RAB40B: variants seen among roughly 807,000 people sequenced by gnomAD.
The protein encoded by RAB40B is ras-related protein Rab-40B.
A neutral mutation model predicts 24.0 loss-of-function variants in RAB40B; 21 were observed. The ratio of observed to expected loss-of-function variants is 0.88; its 90% CI spans 0.62 to 1.26. RAB40B has a LOEUF of 1.26. Among genes scored for constraint, RAB40B ranks in the 50% most tolerant of loss-of-function variants. The pLI is 0.00. For missense variants in RAB40B, 348 were observed against 390.5 expected, an observed-to-expected ratio of 0.89 and a Z score of 0.92; for synonymous variants, 167 against 169.8, an observed-to-expected ratio of 0.98 and a Z score of 0.13.
intron 1 of RAB40B, among the ~76,000 whole-genome samples, chr17:82,680,264 G>A (rs1392095171): frequency 6.6e-6 from 1 of 152,182 alleles, no homozygotes; most frequent in Non-Finnish European, 1.5e-5. Context: ...TACACCCAGG[G>A]GAGTGGCCAT....
chr17:82,697,798 G>A lies in RAB40B; in HGVS notation c.142+657C>T, dbSNP rs997042384. 6.6e-6 allele frequency among the ~76,000 whole-genome samples: 1 copy of A among 152,182 alleles called. No homozygotes were observed. The highest frequency in any genetic ancestry group is 1.5e-5 in the Non-Finnish European group (1 of 68,022). Reference sequence around the variant, plus strand: ...CCTGCCTGGGAGCTCTGGGCGCTCCGGCCTCCCCTCGCCCTGGAACCCGCT... The same window carrying A: ...CCTGCCTGGGAGCTCTGGGCGCTCCAGCCTCCCCTCGCCCTGGAACCCGCT... On this transcript the variant is annotated intron_variant, in intron 1 of 5. Coordinates refer to ENST00000571995, the MANE Select transcript of RAB40B (RefSeq NM_006822.3). The surrounding 1 kb of genome is among the most constrained non-coding windows in gnomAD (Gnocchi z 4.9).
Position 82,657,725 on chromosome 17 carries a change from T to C in RAB40B, c.*138A>G. On this transcript the variant is annotated 3_prime_UTR_variant, in exon 6 of 6. Transcript: ENST00000571995. ...AGTCCGACGGGGTAGTGTGTTTCCA[T>C]CACACGGAAGGCGTCGCACACATTC... 2.9e-6 allele frequency: 3 copies of C among 1,042,302 alleles called. No individual in the cohort carries two copies. The highest frequency in any genetic ancestry group is 4.5e-6 in the Non-Finnish European group (3 of 664,512). 64.6% of individuals were successfully genotyped at this position (1,042,302 alleles called of 1,614,324 possible). A position where few individuals can be genotyped will look rare whatever the true frequency, so the allele number is the denominator to read the frequency against.
At chr17:82,691,543 C>T (rs986666906) in intron 1 of RAB40B, among the ~76,000 whole-genome samples, 18 of 151,958 alleles carry the variant, frequency 1.2e-4, no homozygotes, top group Admixed American at 1.3e-4. Flanking sequence ...AAAAATTAGC[C>T]GGGCATGGTA....
At chr17:82,659,496 C>G in intron 4 of RAB40B, 84 bp downstream of exon 4, 1 of 1,385,930 alleles carries the variant, frequency 7.2e-7, no homozygotes, top group African/African-American at 1.4e-5. Flanking sequence ...TACCCATGAG[C>G]CCTGGAGGGC....
intron 1 of RAB40B, among the ~76,000 whole-genome samples, chr17:82,668,686 G>A (rs1332820476): frequency 6.6e-6 from 1 of 152,232 alleles, no homozygotes; most frequent in Non-Finnish European, 1.5e-5. Context: ...GAGAGGCCAG[G>A]CATTTGGAGC....
Position 82,682,896 on chromosome 17 carries a change from G to T in RAB40B, c.142+15559C>A, listed in dbSNP as rs2046460213. On this transcript the variant is annotated intron_variant, in intron 1 of 5. Coordinates refer to ENST00000571995, the MANE Select transcript of RAB40B (RefSeq NM_006822.3). ...ACGGTGACTCATGCCTGCAATCCCA[G>T]CACTTTGGGAGACCGAGGCAGGCAG... 2.6e-5 allele frequency among the ~76,000 whole-genome samples: 4 copies of T among 152,326 alleles called. No homozygotes were observed. In the South Asian group the frequency reaches 8.3e-4, roughly 32 times the overall value.
At position 82,657,799 on chromosome 17, in the gene RAB40B, G is replaced by T; in HGVS notation, c.*64C>A. 6.3e-7 allele frequency: 1 copy of T among 1,578,234 alleles called. No homozygotes were observed. Among genetic ancestry groups the T allele is most frequent in the Non-Finnish European group, 8.7e-7 (1 of 1,147,920 alleles). On this transcript the variant is annotated 3_prime_UTR_variant, in exon 6 of 6. Coordinates refer to ENST00000571995, the MANE Select transcript of RAB40B (RefSeq NM_006822.3). ...ACCGGGATCTGAGATGCATCCACCAGCTGCCGGGGGTAACGCCGAGCTTCT... is the reference window on the plus strand; with the variant it reads ...ACCGGGATCTGAGATGCATCCACCATCTGCCGGGGGTAACGCCGAGCTTCT...
Position 82,698,539 on chromosome 17 carries a change from C to A in RAB40B, c.58G>T (p.Val20Leu), listed in dbSNP as rs1310337093. The change falls in exon 1 of 6, where the codon GTG (valine) becomes TTG (leucine). Residue 20 changes from valine to leucine, a missense_variant. Physicochemically the swap from Val to Leu is conservative, Grantham distance 32. Transcript: ENST00000571995. ...AYDFLLKFLLVGDSDVGKGEI... is the reference protein window; with the variant it reads ...AYDFLLKFLLLGDSDVGKGEI... ...CCCTTGCCCACGTCGCTGTCGCCCA[C>A]CAGCAGGAACTTGAGCAGAAAGTCG... 2 of 1,528,368 alleles carry A rather than the reference C, an allele frequency of 1.3e-6. No individual in the cohort carries two copies. Among genetic ancestry groups the A allele is most frequent in the Non-Finnish European group, 1.8e-6 (2 of 1,132,938 alleles). The allele number at this position is 1,528,368 out of a possible 1,614,324, so 94.7% of individuals were successfully genotyped here.
chr17:82,666,563 G>GA (rs1294711526), intron 1 of RAB40B, among the ~76,000 whole-genome samples: 3 of 152,066 alleles, frequency 2.0e-5, no homozygotes, highest in Non-Finnish European at 2.9e-5. Context: ...TTTTTAAAGG[G>GA]AAAAATATGT....
rs1046415956 is a variant in RAB40B, at chr17:82,675,108, G to C, written c.143-10552C>G. 2.0e-5 allele frequency among the ~76,000 whole-genome samples: 3 copies of C among 151,984 alleles called. No individual in the cohort carries two copies. Among genetic ancestry groups the C allele is most frequent in the Non-Finnish European group, 4.4e-5 (3 of 68,014 alleles). On this transcript the variant is annotated intron_variant, in intron 1 of 5. Transcript: ENST00000571995. The surrounding 1 kb of genome is among the most constrained non-coding windows in gnomAD (Gnocchi z 4.5). Reference sequence around the variant, plus strand: ...AAAACATCTGACACCCCCTAAACTGGGAAAAGCTACAAAGGATGCATTTTC... The same window carrying C: ...AAAACATCTGACACCCCCTAAACTGCGAAAAGCTACAAAGGATGCATTTTC...
Position 82,663,784 on chromosome 17 carries a change from C to T in RAB40B, c.203+712G>A, listed in dbSNP as rs771599033. Among the ~76,000 whole-genome samples the T allele has an allele frequency of 1.5e-4, 23 of 152,168 alleles. No homozygotes were observed. The highest frequency in any genetic ancestry group is 6.2e-4 in the South Asian group (3 of 4,836). ...CCGGGCTGCCTCAACCACGCTGCAT[C>T]GGTCCCCTCTTGGCATCTTCCCACA... On this transcript the variant is annotated intron_variant, in intron 2 of 5. Coordinates refer to ENST00000571995, the MANE Select transcript of RAB40B (RefSeq NM_006822.3). The surrounding 1 kb of genome is among the most constrained non-coding windows in gnomAD (Gnocchi z 6.2).
rs143034746 is a variant in RAB40B at position 82,683,186 on chromosome 17, A to C, written c.142+15269T>G. Among the ~76,000 whole-genome samples the C allele has an allele frequency of 1.3e-4, 20 of 152,300 alleles. No individual in the cohort carries two copies. In the East Asian group the frequency reaches 3.9e-3, roughly 29 times the overall value. The stretch of plus-strand genomic sequence containing the variant: ...AAACAAACAAAAAAACCCAAAATGG[A>C]CCATAGTCATAAATGTAAAATCTAA... On this transcript the variant is annotated intron_variant, in intron 1 of 5. Transcript: ENST00000571995.
chr17:82,677,252 A>T (rs1185525318), intron 1 of RAB40B, among the ~76,000 whole-genome samples: 2 of 152,204 alleles, frequency 1.3e-5, no homozygotes, highest in Non-Finnish European at 2.9e-5. Flanking sequence ...CGGCCAGCCT[A>T]CTAATTTAAA....
intron 1 of RAB40B, among the ~76,000 whole-genome samples, chr17:82,693,025 CAG>C (rs1256285041): frequency 6.6e-6 from 1 of 150,510 alleles, no homozygotes; most frequent in East Asian, 2.0e-4. Context: ...TTTTTGGAGA[CAG>C]AGTCCCACTC....
In RAB40B at chr17:82,657,459, A is replaced by G; in HGVS notation, c.*404T>C. ...GGTTTACAAAAAGACCCCTCTCGTA[A>G]TATCAGTGACTCTAAATTATCCCGC... is the stretch of plus-strand genomic sequence containing the variant. On this transcript the variant is annotated 3_prime_UTR_variant, in exon 6 of 6. Coordinates refer to ENST00000571995, the MANE Select transcript of RAB40B (RefSeq NM_006822.3). 2.9e-6 allele frequency: 1 copy of G among 341,504 alleles called. No individual in the cohort carries two copies. The highest frequency in any genetic ancestry group is 5.7e-6 in the Non-Finnish European group (1 of 176,408). The allele number at this position is 341,504 out of a possible 1,614,324, so 21.2% of individuals were successfully genotyped here. A position where few individuals can be genotyped will look rare whatever the true frequency, so the allele number is the denominator to read the frequency against.
rs561110325 is a variant in RAB40B at position 82,656,968 on chromosome 17, C to G, written c.*895G>C. 1 of 152,346 alleles carries G rather than the reference C, an allele frequency of 6.6e-6. No homozygotes were observed. Among genetic ancestry groups the G allele is most frequent in the African/African-American group, 2.4e-5 (1 of 41,426 alleles). 9.4% of individuals were successfully genotyped at this position (152,346 alleles called of 1,614,324 possible). ...GGCGGAGGTTGTGGTGAGCCCAGAT[C>G]GTGCCATTGTACTCCACCCTGGGCA... On this transcript the variant is annotated 3_prime_UTR_variant, in exon 6 of 6. Transcript: ENST00000571995.
rs894823696 is a variant in RAB40B, at chr17:82,661,056, G to T, written c.204-9C>A. 5 of 1,613,724 alleles carry T rather than the reference G, an allele frequency of 3.1e-6. No homozygotes were observed. Among genetic ancestry groups the T allele is most frequent in the African/African-American group, 2.7e-5 (2 of 74,900 alleles). On this transcript the variant is annotated splice_polypyrimidine_tract_variant and intron_variant, in intron 2 of 5. Transcript: ENST00000571995. ...CCTGGCCTGAAGTATCCCTGGAAAAGATGTTGGAGACCATTAAGAAGAAAC... is the reference window on the plus strand; with the variant it reads ...CCTGGCCTGAAGTATCCCTGGAAAATATGTTGGAGACCATTAAGAAGAAAC...
chr17:82,694,733 C>A (rs2046591442), intron 1 of RAB40B, among the ~76,000 whole-genome samples: 1 of 151,640 alleles, frequency 6.6e-6, no homozygotes, highest in African/African-American at 2.4e-5. Context: ...AATCAGCTGA[C>A]CTCAGGCTTC....
chr17:82,683,793 A>G (rs2046467846), intron 1 of RAB40B, among the ~76,000 whole-genome samples: 1 of 140,064 alleles, frequency 7.1e-6, no homozygotes, highest in Non-Finnish European at 1.6e-5. Context: ...CAACAGAGCA[A>G]GACCCTGTTT....
Sources: allele counts gnomAD v4.1 joint callset (sites outside exome capture counted in the v4.1 genomes callset), GRCh38; gene constraint gnomAD v4.1.1; non-coding constraint Gnocchi (gnomAD v3.1); transcripts MANE v1.5; gene names NCBI Gene and HGNC (gene_info 2026-07-23, HGNC 2026-07-21).